Variants in KSR2 observed in about 807,000 individuals in gnomAD.
KSR2 encodes kinase suppressor of ras 2.
Under a neutral mutation model 107.8 loss-of-function variants are expected in KSR2, and 25 were observed. The observed-to-expected ratio is 0.23, with a 90% CI of 0.17 to 0.32. KSR2 has a LOEUF of 0.32. Ranked by LOEUF, KSR2 falls within the 10% of genes least tolerant of loss-of-function variation. KSR2 has a pLI of 1.00. For missense variants in KSR2, 887 were observed against 1,268.9 expected, an observed-to-expected ratio of 0.70 and a Z score of 4.57; for synonymous variants, 480 against 507.0, an observed-to-expected ratio of 0.95 and a Z score of 0.71.
At chr12:117,650,151 G>A (rs978893699) in intron 5 of KSR2, among the ~76,000 whole-genome samples, 6 of 152,144 alleles carry the variant, frequency 3.9e-5, no homozygotes, top group Admixed American at 1.3e-4. Context: ...CCTTAAACTG[G>A]TGGGCACAAT....
Position 117,924,572 on chromosome 12 carries a change from CAAAA to C in KSR2, c.180+43500_180+43503del, listed in dbSNP as rs58789868. 3.0e-4 allele frequency among the ~76,000 whole-genome samples: 12 copies of C among 39,522 alleles called. No homozygotes were observed. The South Asian group carries it at 7.3e-3, about 24-fold the overall frequency. 25.9% of individuals were successfully genotyped at this position (39,522 alleles called of 152,430 possible). A position where few individuals can be genotyped will look rare whatever the true frequency, so the allele number is the denominator to read the frequency against. ...GGCTGACAAGAGTGAAGCTCCATCTCAAAAAAAAAAAAAAAAAAAAAAAAGAAAG... is the reference window on the plus strand; with the variant it reads ...GGCTGACAAGAGTGAAGCTCCATCTCAAAAAAAAAAAAAAAAAAAAGAAAG... On this transcript the variant is annotated intron_variant, in intron 1 of 19. Transcript: ENST00000339824.
intron 5 of KSR2, among the ~76,000 whole-genome samples, chr12:117,609,221 TCA>T (rs1414123377): frequency 6.6e-6 from 1 of 152,198 alleles, no homozygotes; most frequent in African/African-American, 2.4e-5. Flanking sequence ...GCAAATTATT[TCA>T]CCTCTCTGGG....
intron 1 of KSR2, among the ~76,000 whole-genome samples, chr12:117,910,448 T>G (rs1048240712): frequency 1.3e-5 from 2 of 152,064 alleles, no homozygotes; most frequent in African/African-American, 2.4e-5. Context: ...TAGAAAATAG[T>G]CAATGTTGGC....
chr12:117,616,737 C>T (rs960548785), intron 5 of KSR2, among the ~76,000 whole-genome samples: 7 of 152,190 alleles, frequency 4.6e-5, no homozygotes, highest in Non-Finnish European at 7.3e-5. Context: ...CTTTACTCCC[C>T]TTGTTGTTGA....
chr12:117,700,388 C>T (rs1381103580), intron 4 of KSR2, among the ~76,000 whole-genome samples: 1 of 152,158 alleles, frequency 6.6e-6, no homozygotes, highest in Non-Finnish European at 1.5e-5. Context: ...CTCACCTACG[C>T]ATTCCATGTG....
At chr12:117,793,797 AT>A (rs1890418658) in intron 3 of KSR2, among the ~76,000 whole-genome samples, 1 of 139,948 alleles carries the variant, frequency 7.1e-6, no homozygotes, top group Admixed American at 7.0e-5. Context: ...ACATGCACAC[AT>A]GCAACATGCA....
At chr12:117,901,574 A>G (rs1225163899) in intron 1 of KSR2, among the ~76,000 whole-genome samples, 1 of 152,208 alleles carries the variant, frequency 6.6e-6, no homozygotes, top group Admixed American at 6.5e-5. Flanking sequence ...AAGTGCTGCA[A>G]TTATAGGCAT....
At chr12:117,569,491 T>C (rs1878737512) in intron 7 of KSR2, among the ~76,000 whole-genome samples, 2 of 152,346 alleles carry the variant, frequency 1.3e-5, no homozygotes, top group Admixed American at 1.3e-4. Context: ...AATCTTGTGC[T>C]GGTTAACTCA....
chr12:117,685,977 G>C (rs2136552969), intron 4 of KSR2, among the ~76,000 whole-genome samples: 1 of 152,288 alleles, frequency 6.6e-6, no homozygotes, highest in East Asian at 1.9e-4. Context: ...TATGACAGCT[G>C]CCATTCATTT....
intron 5 of KSR2, among the ~76,000 whole-genome samples, chr12:117,646,597 C>G (rs1201538507): frequency 6.6e-6 from 1 of 152,094 alleles, no homozygotes; most frequent in African/African-American, 2.4e-5. Flanking sequence ...CAGCTGGAAG[C>G]AGGCCAAGGC....
intron 4 of KSR2, among the ~76,000 whole-genome samples, chr12:117,683,717 G>A (rs1164613593): frequency 1.3e-5 from 2 of 152,258 alleles, no homozygotes; most frequent in Admixed American, 6.5e-5. Flanking sequence ...TTCCCCTCTT[G>A]TCCACTAAGA....
chr12:117,855,178 T>G (rs1893057678), intron 3 of KSR2, among the ~76,000 whole-genome samples: 1 of 152,220 alleles, frequency 6.6e-6, no homozygotes, highest in South Asian at 2.1e-4. Context: ...ACCCTAATTA[T>G]CCAGAACCAG....
intron 19 of KSR2, among the ~76,000 whole-genome samples, chr12:117,468,344 G>A (rs1052352607): frequency 3.3e-5 from 5 of 152,244 alleles, no homozygotes; most frequent in Non-Finnish European, 5.9e-5. Context: ...GTAGCTCAGA[G>A]AGGCCAAGTG....
chr12:117,799,325 A>T (rs1303962762), intron 3 of KSR2, among the ~76,000 whole-genome samples: 1 of 152,074 alleles, frequency 6.6e-6, no homozygotes, highest in East Asian at 1.9e-4. Context: ...AACATGGTGA[A>T]ACCCCGTCTC....
At chr12:117,644,607 G>A (rs1883533065) in intron 5 of KSR2, among the ~76,000 whole-genome samples, 1 of 152,152 alleles carries the variant, frequency 6.6e-6, no homozygotes, top group Non-Finnish European at 1.5e-5. Flanking sequence ...GTGAAAGCAA[G>A]GTTGGAAACC....
At position 117,757,711 on chromosome 12, in the gene KSR2, G is replaced by A. The variant is rs145130382; in HGVS notation, c.986+3300C>T. 1.9e-3 allele frequency among the ~76,000 whole-genome samples: 294 copies of A among 152,330 alleles called. 2 individuals are homozygous for A. The highest frequency in any genetic ancestry group is 6.7e-3 in the African/African-American group (279 of 41,582). ...AAGAGTATGGCTCACTGAAGGCTCA[G>A]ATGATCATTAGTGTTTTTTAGTATT... On this transcript the variant is annotated intron_variant, in intron 4 of 19. Coordinates refer to ENST00000339824, the MANE Select transcript of KSR2 (RefSeq NM_173598.6).
chr12:117,595,275 C>A (rs772937224), intron 5 of KSR2, among the ~76,000 whole-genome samples: 2 of 151,600 alleles, frequency 1.3e-5, no homozygotes, highest in Non-Finnish European at 2.9e-5. Flanking sequence ...TTTACATATT[C>A]TCCTGGGTAT....
At chr12:117,652,464 T>G (rs1883944031) in intron 5 of KSR2, among the ~76,000 whole-genome samples, 1 of 152,132 alleles carries the variant, frequency 6.6e-6, no homozygotes, top group Non-Finnish European at 1.5e-5. Flanking sequence ...CTAGGTAGGA[T>G]GGACAAAAGG....
chr12:117,493,137 G>A (rs1270035912), intron 14 of KSR2, among the ~76,000 whole-genome samples: 6 of 152,062 alleles, frequency 3.9e-5, no homozygotes, highest in South Asian at 4.2e-4. Flanking sequence ...CAGCTAAAGC[G>A]TTTACTCCTT....
Sources: gnomAD v4.1 joint callset for allele counts (sites outside exome capture counted in the v4.1 genomes callset) on GRCh38, gnomAD v4.1.1 for gene constraint, MANE v1.5 for transcripts, NCBI Gene and HGNC (gene_info 2026-07-23, HGNC 2026-07-21) for gene names.